RALGAPA2: variants seen among roughly 807,000 people sequenced by gnomAD.
The protein encoded by RALGAPA2 is ral GTPase-activating protein subunit alpha-2.
In RALGAPA2, 139 loss-of-function variants were observed where a neutral mutation model predicts 230.4. The ratio of observed to expected loss-of-function variants is 0.60; its 90% CI spans 0.53 to 0.69. RALGAPA2 has a LOEUF of 0.69. Among genes scored for constraint, RALGAPA2 ranks in the 30% least tolerant of loss-of-function variants. RALGAPA2 has a pLI of 0.00. For synonymous variants in RALGAPA2, 847 were observed against 837.8 expected, an observed-to-expected ratio of 1.01 and a Z score of -0.19; for missense variants, 2,163 against 2,276.0, an observed-to-expected ratio of 0.95 and a Z score of 1.01.
intron 9 of RALGAPA2, among the ~76,000 whole-genome samples, chr20:20,633,063 TTC>T (rs1455685357): frequency 2.0e-5 from 3 of 151,648 alleles, no homozygotes; most frequent in African/African-American, 7.3e-5. Flanking sequence ...TTTCTTTCTT[TTC>T]TCTTTCTCTT....
intron 36 of RALGAPA2, among the ~76,000 whole-genome samples, chr20:20,485,226 A>G (rs1210265119): frequency 6.6e-6 from 1 of 152,158 alleles, no homozygotes; most frequent in African/African-American, 2.4e-5. Flanking sequence ...AGGTTCTGCT[A>G]TGTAATGTCC....
In RALGAPA2 at chr20:20,712,298, C is replaced by T. The variant is rs2069914182; in HGVS notation, c.106+77G>A. ...CCTCCCCAGCCTCCCAGCCACCGAC[C>T]CCTGCACAGAGGAGCGCCCTCCCGG... On this transcript the variant is annotated intron_variant, in intron 1 of 39. Transcript: ENST00000202677. This position sits in a 1 kb window ranked among gnomAD's most constrained non-coding sequence, Gnocchi z 5.5. 1 of 1,413,092 alleles carries T rather than the reference C, an allele frequency of 7.1e-7. No individual in the cohort carries two copies. The highest frequency in any genetic ancestry group is 2.1e-5 in the Admixed American group (1 of 46,676). The allele number at this position is 1,413,092 out of a possible 1,614,324, so 87.5% of individuals were successfully genotyped here. A position where few individuals can be genotyped will look rare whatever the true frequency, so the allele number is the denominator to read the frequency against.
intron 1 of RALGAPA2, among the ~76,000 whole-genome samples, chr20:20,705,432 T>C (rs547365704): frequency 1.3e-5 from 2 of 152,204 alleles, no homozygotes; most frequent in South Asian, 4.1e-4. Flanking sequence ...AGTACTGAAC[T>C]TCTGGGCTGA....
rs372352380 is a variant in RALGAPA2, at chr20:20,472,799, G to A, written c.5495+30C>T. 3.7e-4 allele frequency: 593 copies of A among 1,599,996 alleles called. 1 individual carries two copies. The highest frequency in any genetic ancestry group is 4.8e-4 in the Non-Finnish European group (564 of 1,174,550). ...AGGAATCTTGATTCTGGGATGGTTA[G>A]TAAGTTACACATTTAAAGCAAAAAG... On this transcript the variant is annotated intron_variant, in intron 37 of 39. Transcript: ENST00000202677.
At chr20:20,411,617 G>T (rs1013150012) in intron 38 of RALGAPA2, among the ~76,000 whole-genome samples, 1 of 152,138 alleles carries the variant, frequency 6.6e-6, no homozygotes, top group African/African-American at 2.4e-5. Context: ...CCTGACCTTC[G>T]AATCTCGGCA....
chr20:20,627,925 G>A (rs775580231), intron 10 of RALGAPA2, among the ~76,000 whole-genome samples: 1 of 152,198 alleles, frequency 6.6e-6, no homozygotes, highest in Non-Finnish European at 1.5e-5. Flanking sequence ...TAGAATTACA[G>A]CAGAGACTTG....
At chr20:20,644,978 T>C (rs1183478827) in intron 4 of RALGAPA2, among the ~76,000 whole-genome samples, 2 of 152,242 alleles carry the variant, frequency 1.3e-5, no homozygotes, top group Admixed American at 1.3e-4. Flanking sequence ...TCCAGCCATC[T>C]GGCTAATCCA....
At chr20:20,488,839 C>T (rs973214148) in intron 36 of RALGAPA2, among the ~76,000 whole-genome samples, 1 of 152,210 alleles carries the variant, frequency 6.6e-6, no homozygotes, top group Non-Finnish European at 1.5e-5. Flanking sequence ...AGTGGGACCC[C>T]CAGCCCTTGA....
intron 36 of RALGAPA2, among the ~76,000 whole-genome samples, chr20:20,488,134 A>G (rs1602517753): frequency 1.3e-5 from 2 of 152,164 alleles, no homozygotes; most frequent in African/African-American, 4.8e-5. Flanking sequence ...CAAATACTGT[A>G]TATTTTCCAT....
At chr20:20,490,494 TA>T (rs2062022827) in intron 36 of RALGAPA2, among the ~76,000 whole-genome samples, 1 of 152,222 alleles carries the variant, frequency 6.6e-6, no homozygotes, top group Admixed American at 6.5e-5. Context: ...ATTCAAAGGT[TA>T]ACAATTTATT....
rs367791968 is a variant in RALGAPA2 at position 20,585,502 on chromosome 20, G to C, written c.2440-547C>G. On this transcript the variant is annotated intron_variant, in intron 18 of 39. Coordinates refer to ENST00000202677, the MANE Select transcript of RALGAPA2 (RefSeq NM_020343.4). ...CCTCTAATAAGTTATAATTTGCTTG[G>C]AGAGACAAAACATACACAAATTACA... Among the ~76,000 whole-genome samples, 6 of 152,036 alleles carry C rather than the reference G, an allele frequency of 3.9e-5. No individual in the cohort carries two copies. The East Asian group carries it at 5.8e-4, about 15-fold the overall frequency.
chr20:20,602,092 T>C (rs552246643), intron 15 of RALGAPA2, among the ~76,000 whole-genome samples: 10 of 152,366 alleles, frequency 6.6e-5, no homozygotes, highest in East Asian at 1.9e-4. Flanking sequence ...TATATCTTCA[T>C]AGTACTCATT....
At position 20,546,730 on chromosome 20, in the gene RALGAPA2, T is replaced by C. The variant is rs1379914874; in HGVS notation, c.3259A>G (p.Arg1087Gly). 2 of 1,610,840 alleles carry C rather than the reference T, an allele frequency of 1.2e-6. No individual in the cohort carries two copies. The highest frequency in any genetic ancestry group is 1.7e-6 in the Non-Finnish European group (2 of 1,178,982). ...GTCAAAATGTCTGTGCTAAGGACCCTGGCAGCGGCCGTGATGAAGTCCCCC... is the reference window on the plus strand; with the variant it reads ...GTCAAAATGTCTGTGCTAAGGACCCCGGCAGCGGCCGTGATGAAGTCCCCC... ...LVGDFITAAA[R>G]VLSTDILTAP... Residue 1087 changes from arginine (R) to glycine (G), a missense_variant, in exon 24 of 40, where the codon AGG becomes GGG. Coordinates refer to ENST00000202677, the MANE Select transcript of RALGAPA2 (RefSeq NM_020343.4).
rs182339264 is a variant in RALGAPA2 at position 20,677,789 on chromosome 20, G to A, written c.218-1501C>T. Reference sequence around the variant, plus strand: ...CTCCCAAGTAGCTGGGACTACAGGCGCCTGCCACCACACCCGGCTAATTTT... The same window carrying A: ...CTCCCAAGTAGCTGGGACTACAGGCACCTGCCACCACACCCGGCTAATTTT... On this transcript the variant is annotated intron_variant, in intron 2 of 39. Coordinates refer to ENST00000202677, the MANE Select transcript of RALGAPA2 (RefSeq NM_020343.4). Among the ~76,000 whole-genome samples the A allele has an allele frequency of 2.1e-4, 32 of 151,528 alleles. No individual in the cohort carries two copies. In the East Asian group the frequency reaches 4.9e-3, roughly 23 times the overall value.
At chr20:20,582,951 TA>T (rs1238648983) in intron 20 of RALGAPA2, 98 bp downstream of exon 20, 1 of 1,310,780 alleles carries the variant, frequency 7.6e-7, no homozygotes, top group Non-Finnish European at 1.1e-6. Flanking sequence ...CACTTCCTCC[TA>T]CAACTGTTTC....
chr20:20,705,925 C>T (rs2069583124), intron 1 of RALGAPA2, among the ~76,000 whole-genome samples: 1 of 152,134 alleles, frequency 6.6e-6, no homozygotes, highest in Non-Finnish European at 1.5e-5. Flanking sequence ...CCTCGGCCTC[C>T]CAAAGTGTTG....
rs150566958 is a variant in RALGAPA2 at position 20,421,676 on chromosome 20, T to TAAAC, written c.5496-9532_5496-9529dup. ...CAAGAGCGAAACTCTGTCTCAAAAA[T>TAAAC]AAACAAACAAACAAACAAACAAACA... On this transcript the variant is annotated intron_variant, in intron 37 of 39. Transcript: ENST00000202677. Among the ~76,000 whole-genome samples, 108 of 151,908 alleles carry TAAAC rather than the reference T, an allele frequency of 7.1e-4. 1 individual carries two copies. Among genetic ancestry groups the TAAAC allele is most frequent in the East Asian group, 5.8e-3 (30 of 5,166 alleles).
rs1251677767 is a variant in RALGAPA2, at chr20:20,616,174, A to C, written c.1557T>G (p.Ser519=). 4 of 1,524,462 alleles carry C rather than the reference A, an allele frequency of 2.6e-6. No individual in the cohort carries two copies. Among genetic ancestry groups the C allele is most frequent in the Non-Finnish European group, 3.5e-6 (4 of 1,138,078 alleles). 94.4% of individuals were successfully genotyped at this position (1,524,462 alleles called of 1,614,324 possible). ...QALLQVFLTN[S]ANIFLLEPCA... ...ATGGTTCCAACAAAAAGATGTTTGC[A>C]GAGTTCGTCAAAAATACCTTAAAAT... Residue 519 remains serine, a synonymous_variant, in exon 13 of 40, where the codon TCT becomes TCG. Transcript: ENST00000202677.
intron 24 of RALGAPA2, among the ~76,000 whole-genome samples, chr20:20,543,948 C>G (rs1336373577): frequency 1.3e-5 from 2 of 148,980 alleles, no homozygotes; most frequent in Non-Finnish European, 3.0e-5. Flanking sequence ...AAAGAAAAAA[C>G]AAACAAACAA....
Sources: allele counts gnomAD v4.1 joint callset (sites outside exome capture counted in the v4.1 genomes callset), GRCh38; gene constraint gnomAD v4.1.1; non-coding constraint Gnocchi (gnomAD v3.1); transcripts MANE v1.5; gene names NCBI Gene and HGNC (gene_info 2026-07-23, HGNC 2026-07-21).